FUBP1: variants seen among roughly 807,000 people sequenced by gnomAD.
FUBP1 encodes far upstream element binding protein 1.
Under a neutral mutation model 94.9 loss-of-function variants are expected in FUBP1, and 16 were observed. That is an observed-to-expected ratio of 0.17 (90% CI 0.11 to 0.26). The LOEUF (loss-of-function observed/expected upper bound fraction) is 0.26. FUBP1 is among the 10% of genes least tolerant of loss of function. FUBP1 has a pLI of 1.00. For synonymous variants in FUBP1, 279 were observed against 254.9 expected (o/e 1.09, Z -0.90); for missense variants, 583 against 808.6 (o/e 0.72, Z 3.38).
At chr1:77,968,226 A>AT (rs1365387776) in intron 2 of FUBP1, 23 bp from the exon 3 acceptor site, 2 of 1,485,818 alleles carry the variant, frequency 1.3e-6, no homozygotes, top group East Asian at 2.5e-5. Context: ...GTGTCTTTTA[A>AT]TTTTTTGCCA....
In FUBP1 at chr1:77,947,211, G is replaced by C. The variant is rs1236006090; in HGVS notation, c.*1555C>G. ...GAATAATACTATTCAACTTTGTTAA[G>C]TATCAGTTTTCTTTAGCTATAGCTA... On this transcript the variant is annotated 3_prime_UTR_variant, in exon 20 of 20. Coordinates refer to ENST00000370768, the MANE Select transcript of FUBP1 (RefSeq NM_003902.5). The C allele has an allele frequency of 1.7e-5, 4 of 241,888 alleles. No individual in the cohort carries two copies. Among genetic ancestry groups the C allele is most frequent in the Admixed American group, 5.1e-5 (1 of 19,594 alleles). The allele number at this position is 241,888 out of a possible 1,614,324, so 15.0% of individuals were successfully genotyped here. A position where few individuals can be genotyped will look rare whatever the true frequency, so the allele number is the denominator to read the frequency against.
rs1213987707 is a variant in FUBP1, at chr1:77,945,450, C to G, written c.*3316G>C. Reference sequence around the variant, plus strand: ...AAAGCAGGTACATTACACCCTATACCATATTATGTATGGGAATACATTTCA... The same window carrying G: ...AAAGCAGGTACATTACACCCTATACGATATTATGTATGGGAATACATTTCA... On this transcript the variant is annotated 3_prime_UTR_variant, in exon 20 of 20. Coordinates refer to ENST00000370768, the MANE Select transcript of FUBP1 (RefSeq NM_003902.5). The G allele has an allele frequency of 4.7e-6, 1 of 211,718 alleles. No individual in the cohort carries two copies. The highest frequency in any genetic ancestry group is 9.6e-6 in the Non-Finnish European group (1 of 104,588). The allele number at this position is 211,718 out of a possible 1,614,324, so 13.1% of individuals were successfully genotyped here. A position where few individuals can be genotyped will look rare whatever the true frequency, so the allele number is the denominator to read the frequency against.
intron 6 of FUBP1, 62 bp downstream of exon 6, chr1:77,966,822 T>TAAAAAAAA: frequency 9.4e-7 from 1 of 1,059,100 alleles, no homozygotes. Context: ...CTAGAAGGCT[T>TAAAAAAAA]AAAAAAAAAA....
chr1:77,963,569 A>G lies in FUBP1; in HGVS notation c.1183+5T>C, dbSNP rs1383297492. On this transcript the variant is annotated splice_donor_5th_base_variant and intron_variant, in intron 13 of 19. Transcript: ENST00000370768. ...TTAAAACATTAAGAGTTTAAAATAC[A>G]TTGCCTTTTCCTATTATTAATCCAG... 6.5e-7 allele frequency: 1 copy of G among 1,531,672 alleles called. No individual in the cohort carries two copies. The highest frequency in any genetic ancestry group is 1.1e-5 in the South Asian group (1 of 88,804). 94.9% of individuals were successfully genotyped at this position (1,531,672 alleles called of 1,614,324 possible).
intron 14 of FUBP1, chr1:77,960,720 AAATTAAATTAAATTTAAATTAGC>A: frequency 2.4e-6 from 1 of 416,770 alleles, no homozygotes; most frequent in South Asian, 4.6e-5. Context: ...AATGCAATTT[AAATTAAATTAAATTTAAATTAGC>A]AATTAAATTT....
At chr1:77,969,050 G>A (rs778749459) in intron 2 of FUBP1, 2 of 1,288,820 alleles carry the variant, frequency 1.6e-6, no homozygotes, top group South Asian at 1.2e-5. Context: ...TTCCCTCCCA[G>A]TGTGTTGTAC....
chr1:77,977,845 GT>G (rs1245437048), intron 1 of FUBP1, among the ~76,000 whole-genome samples: 1 of 152,214 alleles, frequency 6.6e-6, no homozygotes, highest in Non-Finnish European at 1.5e-5. Flanking sequence ...CATTAGATGT[GT>G]TACAACGGAT....
At chr1:77,967,000 A>T (rs1271633649) in intron 5 of FUBP1, 45 bp from the exon 6 acceptor site, 1 of 1,545,938 alleles carries the variant, frequency 6.5e-7, no homozygotes, top group Non-Finnish European at 8.9e-7. Flanking sequence ...AAAGATTCTA[A>T]AGTATGTTTT....
At chr1:77,967,744 C>T in intron 3 of FUBP1, 78 bp from the exon 4 acceptor site, 1 of 855,912 alleles carries the variant, frequency 1.2e-6, no homozygotes. Context: ...ACAATCACAT[C>T]AAACATTCAA....
At chr1:77,963,221 A>G (rs954343051) in intron 13 of FUBP1, among the ~76,000 whole-genome samples, 3 of 152,220 alleles carry the variant, frequency 2.0e-5, no homozygotes, top group Non-Finnish European at 2.9e-5. Context: ...AGCAGTGTAA[A>G]TATAAACTAA....
In FUBP1 at chr1:77,964,271, C is replaced by T. The variant is rs2102394758; in HGVS notation, c.923G>A (p.Arg308His). ...IKKIQNDAGV[R>H]IQFKPDDGTT... Reference sequence around the variant, plus strand: ...GTACTCACCTGGCTTAAACTGAATGCGAACACCAGCATCATTTTGTATTTT... The same window carrying T: ...GTACTCACCTGGCTTAAACTGAATGTGAACACCAGCATCATTTTGTATTTT... The change falls in exon 11 of 20, where the codon CGC (arginine) becomes CAC (histidine). Residue 308 changes from arginine to histidine, a missense_variant. Physicochemically the swap from Arg to His is conservative, Grantham distance 29 (BLOSUM62 0). Transcript: ENST00000370768. The T allele has an allele frequency of 1.9e-6, 3 of 1,606,096 alleles. No individual in the cohort carries two copies. The highest frequency in any genetic ancestry group is 2.6e-6 in the Non-Finnish European group (3 of 1,174,190).
Position 77,947,663 on chromosome 1 carries a change from CAG to C in FUBP1, c.*1101_*1102del. 1.4e-6 allele frequency: 1 copy of C among 704,456 alleles called. No individual in the cohort carries two copies. The highest frequency in any genetic ancestry group is 1.5e-5 in the South Asian group (1 of 67,906). 43.6% of individuals were successfully genotyped at this position (704,456 alleles called of 1,614,324 possible). Reference sequence around the variant, plus strand: ...AAAACAATGGATTTCAACAAAATATCAGAACTTCAGCATGAGTGTTAAAGAGT... The same window carrying C: ...AAAACAATGGATTTCAACAAAATATCAACTTCAGCATGAGTGTTAAAGAGT... On this transcript the variant is annotated 3_prime_UTR_variant, in exon 20 of 20. Transcript: ENST00000370768.
chr1:77,960,618 CTTCCT>C (rs1655279096), intron 14 of FUBP1, 123 bp from the exon 15 acceptor site: 5 of 723,338 alleles, frequency 6.9e-6, no homozygotes, highest in Non-Finnish European at 1.1e-5. Flanking sequence ...TTAGGTTTTC[CTTCCT>C]TTCCTCATTC....
intron 1 of FUBP1, among the ~76,000 whole-genome samples, chr1:77,977,623 A>G (rs2102541474): frequency 6.6e-6 from 1 of 152,340 alleles, no homozygotes; most frequent in South Asian, 2.1e-4. Context: ...TGGTTCCAGT[A>G]AATAAAATAG....
At chr1:77,971,998 C>T (rs1657639155) in intron 1 of FUBP1, among the ~76,000 whole-genome samples, 1 of 127,342 alleles carries the variant, frequency 7.9e-6, no homozygotes, top group African/African-American at 3.3e-5. Flanking sequence ...GCATGAGACT[C>T]TGTCTCAAAA....
intron 7 of FUBP1, among the ~76,000 whole-genome samples, chr1:77,965,924 C>T (rs184073706): frequency 3.3e-5 from 5 of 152,224 alleles, no homozygotes; most frequent in East Asian, 3.9e-4. Context: ...TGGCATGCAC[C>T]GGTAGTCCCA....
Position 77,965,181 on chromosome 1 carries a change from G to A in FUBP1, c.524C>T (p.Pro175Leu). The A allele has an allele frequency of 6.2e-7, 1 of 1,611,268 alleles. No individual in the cohort carries two copies. Among genetic ancestry groups the A allele is most frequent in the Admixed American group, 1.7e-5 (1 of 59,992 alleles). ...CGGTCCATCGCCATGATGGAAGCCA[G>A]GAGCTGGTCTTCCTTTTTCAACAAT... ...DQIVEKGRPA[P>L]GFHHGDGPGN... The change falls in exon 8 of 20, where the codon CCT becomes CTT. Residue 175 changes from proline (P) to leucine (L), a missense_variant. Coordinates refer to ENST00000370768, the MANE Select transcript of FUBP1 (RefSeq NM_003902.5).
At chr1:77,965,630 G>C (rs566926098) in intron 7 of FUBP1, among the ~76,000 whole-genome samples, 1 of 152,300 alleles carries the variant, frequency 6.6e-6, no homozygotes, top group East Asian at 1.9e-4. Context: ...ACTATGTGCA[G>C]GTGCTATTCT....
rs150650246 is a variant in FUBP1 at position 77,976,440 on chromosome 1, C to A, written c.120+2445G>T. Among the ~76,000 whole-genome samples, 146 of 152,250 alleles carry A rather than the reference C, an allele frequency of 9.6e-4. No individual in the cohort carries two copies. In the East Asian group the frequency reaches 0.023, roughly 24 times the overall value. On this transcript the variant is annotated intron_variant, in intron 1 of 19. Coordinates refer to ENST00000370768, the MANE Select transcript of FUBP1 (RefSeq NM_003902.5). Reference sequence around the variant, plus strand: ...AACAATAAATTTCACAATTTGCCAACAATTTCTATATTTTAAGAAGTATAA... The same window carrying A: ...AACAATAAATTTCACAATTTGCCAAAAATTTCTATATTTTAAGAAGTATAA...
Sources: gnomAD v4.1 joint callset for allele counts (sites outside exome capture counted in the v4.1 genomes callset) on GRCh38, gnomAD v4.1.1 for gene constraint, MANE v1.5 for transcripts, NCBI Gene and HGNC (gene_info 2026-07-23, HGNC 2026-07-21) for gene names.